Variants in ZFYVE28 observed in about 807,000 individuals in gnomAD.
ZFYVE28 encodes lateral signaling target protein 2 homolog.
A neutral mutation model predicts 82.1 loss-of-function variants in ZFYVE28; 40 were observed. That is an observed-to-expected ratio of 0.49 (90% CI 0.38 to 0.63). The LOEUF is 0.63. Ranked by LOEUF, ZFYVE28 falls within the 30% of genes least tolerant of loss-of-function variation. The pLI, the probability that ZFYVE28 is intolerant of heterozygous loss-of-function variation, is 0.00. For missense variants in ZFYVE28, 1,321 were observed against 1,242.1 expected, an observed-to-expected ratio of 1.06 and a Z score of -0.96; for synonymous variants, 612 against 546.1, an observed-to-expected ratio of 1.12 and a Z score of -1.68.
chr4:2,390,988 C>T lies in ZFYVE28; in HGVS notation c.39+27297G>A, dbSNP rs189758482. On this transcript the variant is annotated intron_variant, in intron 1 of 12. Transcript: ENST00000290974. The stretch of plus-strand genomic sequence containing the variant: ...GCTGCCAAGCTTCACAGCTGAAAGT[C>T]ATTTCATAGAAGACAGCAGCTGCTG... Among the ~76,000 whole-genome samples, 3 of 152,376 alleles carry T rather than the reference C, an allele frequency of 2.0e-5. No individual in the cohort carries two copies. In the East Asian group the frequency reaches 5.8e-4, roughly 29 times the overall value.
At position 2,332,551 on chromosome 4, in the gene ZFYVE28, C is replaced by A. The variant is rs1331235978; in HGVS notation, c.701+3154G>T. On this transcript the variant is annotated intron_variant, in intron 6 of 12. Coordinates refer to ENST00000290974, the MANE Select transcript of ZFYVE28 (RefSeq NM_020972.3). This position sits in a 1 kb window ranked among gnomAD's most constrained non-coding sequence, Gnocchi z 4.7. The stretch of plus-strand genomic sequence containing the variant: ...CAGCACTGTGGGTCAGCCCATCTGT[C>A]CATCTCCCTGGTACAAGCACAGGGC... 6.6e-6 allele frequency among the ~76,000 whole-genome samples: 1 copy of A among 152,196 alleles called. No individual in the cohort carries two copies. Among genetic ancestry groups the A allele is most frequent in the Non-Finnish European group, 1.5e-5 (1 of 68,022 alleles).
Position 2,341,771 on chromosome 4 carries a change from G to A in ZFYVE28, c.181-156C>T, listed in dbSNP as rs1284491580. On this transcript the variant is annotated intron_variant, in intron 2 of 12. Coordinates refer to ENST00000290974, the MANE Select transcript of ZFYVE28 (RefSeq NM_020972.3). The surrounding 1 kb of genome is among the most constrained non-coding windows in gnomAD (Gnocchi z 4.5). Reference sequence around the variant, plus strand: ...ACGGTGGCTCATGCCTATAATGCCAGCACTTTGGGAGGCCGAGGCGGGTGG... The same window carrying A: ...ACGGTGGCTCATGCCTATAATGCCAACACTTTGGGAGGCCGAGGCGGGTGG... Among the ~76,000 whole-genome samples, 1 of 152,230 alleles carries A rather than the reference G, an allele frequency of 6.6e-6. No homozygotes were observed. The highest frequency in any genetic ancestry group is 1.5e-5 in the Non-Finnish European group (1 of 68,036).
At position 2,300,051 on chromosome 4, in the gene ZFYVE28, G is replaced by A. The variant is rs1452679986; in HGVS notation, c.2051+4238C>T. ...GGCCTCAAGCAATACGCCTGCCTCA[G>A]CCCCCAAAGTGCTGGGAATACAAGC... On this transcript the variant is annotated intron_variant, in intron 8 of 12. Transcript: ENST00000290974. This position sits in a 1 kb window ranked among gnomAD's most constrained non-coding sequence, Gnocchi z 4.6. 6.6e-6 allele frequency among the ~76,000 whole-genome samples: 1 copy of A among 152,174 alleles called. No individual in the cohort carries two copies. Among genetic ancestry groups the A allele is most frequent in the African/African-American group, 2.4e-5 (1 of 41,434 alleles).
At position 2,355,343 on chromosome 4, in the gene ZFYVE28, G is replaced by A. The variant is rs565313209; in HGVS notation, c.40-1270C>T. ...GTCGCCCAGGCTGGAGTGCAGTGGC[G>A]TGATCTTAGTTGACTGCAACCTCTG... On this transcript the variant is annotated intron_variant, in intron 1 of 12. Transcript: ENST00000290974. Among the ~76,000 whole-genome samples, 21 of 131,994 alleles carry A rather than the reference G, an allele frequency of 1.6e-4. No individual in the cohort carries two copies. In the South Asian group the frequency reaches 2.3e-3, roughly 15 times the overall value. 86.6% of individuals were successfully genotyped at this position (131,994 alleles called of 152,430 possible).
At chr4:2,325,362 C>A (rs1187804323) in intron 6 of ZFYVE28, among the ~76,000 whole-genome samples, 1 of 152,128 alleles carries the variant, frequency 6.6e-6, no homozygotes, top group Non-Finnish European at 1.5e-5. Context: ...ATTCATACTG[C>A]CAGTACAGGC....
chr4:2,272,277 C>T (rs565947045), intron 10 of ZFYVE28, among the ~76,000 whole-genome samples: 1 of 152,316 alleles, frequency 6.6e-6, no homozygotes, highest in South Asian at 2.1e-4. Context: ...CAGGACCAGG[C>T]GGGCTGCCCC....
intron 4 of ZFYVE28, among the ~76,000 whole-genome samples, chr4:2,338,824 T>C (rs1722281085): frequency 6.6e-6 from 1 of 152,046 alleles, no homozygotes; most frequent in African/African-American, 2.4e-5. Flanking sequence ...GTTTTGTTTG[T>C]TGTGGTTGTT....
At chr4:2,379,783 TAAATTTTC>T (rs1728535087) in intron 1 of ZFYVE28, among the ~76,000 whole-genome samples, 1 of 152,080 alleles carries the variant, frequency 6.6e-6, no homozygotes, top group African/African-American at 2.4e-5. Flanking sequence ...TTTAAATTTT[TAAATTTTC>T]ACACTTTTTT....
intron 5 of ZFYVE28, among the ~76,000 whole-genome samples, chr4:2,336,991 T>TGTGAGAAATAAGGAGCTAAGGAGTA (rs1721897959): frequency 2.9e-5 from 3 of 104,658 alleles, no homozygotes; most frequent in African/African-American, 6.9e-5. Flanking sequence ...GGTGAGGAGT[T>TGTGAGAAATAAGGAGCTAAGGAGTA]AGGAGGTGGG....
chr4:2,398,572 GCGAGATCCAGGGCACAAGGTGGAGAC>G (rs1158976257), intron 1 of ZFYVE28, among the ~76,000 whole-genome samples: 5 of 152,282 alleles, frequency 3.3e-5, no homozygotes, highest in South Asian at 2.1e-4. Context: ...ACAAGGTGTG[GCGAGATCCAGGGCACAAGGTGGAGAC>G]CGAGATCCAG....
intron 3 of ZFYVE28, among the ~76,000 whole-genome samples, chr4:2,340,957 C>T (rs2108863774): frequency 6.6e-6 from 1 of 152,042 alleles, no homozygotes; most frequent in Non-Finnish European, 1.5e-5. Flanking sequence ...GGGGAGGAGG[C>T]TGGGGAGTCC....
intron 1 of ZFYVE28, among the ~76,000 whole-genome samples, chr4:2,371,259 G>T (rs115010311): frequency 6.6e-6 from 1 of 152,188 alleles, no homozygotes; most frequent in East Asian, 1.9e-4. Flanking sequence ...GGTTGCCCGC[G>T]TCGTGCTCCC....
At chr4:2,350,982 G>T (rs183292234) in intron 2 of ZFYVE28, among the ~76,000 whole-genome samples, 2 of 152,286 alleles carry the variant, frequency 1.3e-5, no homozygotes, top group Admixed American at 1.3e-4. Context: ...AACCATAAAC[G>T]AAGTGTTTCC....
intron 1 of ZFYVE28, among the ~76,000 whole-genome samples, chr4:2,415,048 C>T (rs1578440310): frequency 6.6e-6 from 1 of 152,186 alleles, no homozygotes; most frequent in South Asian, 2.1e-4. Flanking sequence ...CACTTTATAC[C>T]AAGAAAAATC....
chr4:2,309,730 T>C (rs896737520), intron 7 of ZFYVE28, among the ~76,000 whole-genome samples: 2 of 152,226 alleles, frequency 1.3e-5, no homozygotes, highest in African/African-American at 4.8e-5. Context: ...GGAAGTGTGC[T>C]GCAGTACACA....
At chr4:2,308,683 G>GAAAGAAAGAGAAAGAAAGAAAAGA (rs1553830773) in intron 7 of ZFYVE28, among the ~76,000 whole-genome samples, 114 of 81,484 alleles carry the variant, frequency 1.4e-3, no homozygotes, top group Middle Eastern at 6.1e-3. Flanking sequence ...GAAAGAGAAA[G>GAAAGAAAGAGAAAGAAAGAAAAGA]AAAGAAAAGA....
At chr4:2,370,335 G>A (rs542887730) in intron 1 of ZFYVE28, among the ~76,000 whole-genome samples, 5 of 152,208 alleles carry the variant, frequency 3.3e-5, no homozygotes, top group South Asian at 2.1e-4. Context: ...CCTATGGATC[G>A]GCCCTGACCA....
At chr4:2,322,380 A>G (rs1000365386) in intron 6 of ZFYVE28, among the ~76,000 whole-genome samples, 14 of 151,838 alleles carry the variant, frequency 9.2e-5, no homozygotes, top group African/African-American at 3.4e-4. Context: ...CCGACAGGCC[A>G]CCCAGGCCTG....
chr4:2,404,330 G>A (rs1393217659), intron 1 of ZFYVE28, among the ~76,000 whole-genome samples: 6 of 9,852 alleles, frequency 6.1e-4, no homozygotes, highest in South Asian at 2.2e-3. Context: ...AAAAAAAAAC[G>A]CTGAAGATGG....
Sources: allele counts gnomAD v4.1 joint callset (sites outside exome capture counted in the v4.1 genomes callset), GRCh38; gene constraint gnomAD v4.1.1; non-coding constraint Gnocchi (gnomAD v3.1); transcripts MANE v1.5; gene names NCBI Gene and HGNC (gene_info 2026-07-23, HGNC 2026-07-21).